COG5: variants seen among roughly 807,000 people sequenced by gnomAD.
COG5 encodes component of oligomeric golgi complex 5.
A neutral mutation model predicts 110.4 loss-of-function variants in COG5; 86 were observed. The observed-to-expected ratio is 0.78, with a 90% CI of 0.65 to 0.93. COG5 has a LOEUF of 0.93. COG5 is among the 40% of genes least tolerant of loss of function. The pLI is 0.00. For synonymous variants in COG5, 360 were observed against 334.6 expected, an observed-to-expected ratio of 1.08 and a Z score of -0.83; for missense variants, 1,077 against 987.0, an observed-to-expected ratio of 1.09 and a Z score of -1.22.
chr7:107,309,340 C>T (rs984096210), intron 11 of COG5, among the ~76,000 whole-genome samples: 2 of 151,930 alleles, frequency 1.3e-5, no homozygotes, highest in South Asian at 2.1e-4. Flanking sequence ...TTTTACAGTT[C>T]GTTTTCTCTT....
chr7:107,432,500 A>G (rs1794092436), intron 6 of COG5, among the ~76,000 whole-genome samples: 1 of 152,214 alleles, frequency 6.6e-6, no homozygotes, highest in Non-Finnish European at 1.5e-5. Flanking sequence ...TAAGAACATG[A>G]CATAAGTACA....
chr7:107,359,740 C>A (rs922597822), intron 10 of COG5, among the ~76,000 whole-genome samples: 1 of 152,182 alleles, frequency 6.6e-6, no homozygotes, highest in Non-Finnish European at 1.5e-5. Context: ...TGGGTCTCCT[C>A]TGTACTGAGG....
In COG5 at chr7:107,530,613, A is replaced by AC. The variant is rs1426392917; in HGVS notation, c.418-3257_418-3256insG. ...CGAAACTCCATCTCAAAAAAAAAAAAAAAAAAAAAAAAACACAGTTTTCAG... is the reference window on the plus strand; with the variant it reads ...CGAAACTCCATCTCAAAAAAAAAAAACAAAAAAAAAAAAACACAGTTTTCAG... On this transcript the variant is annotated intron_variant, in intron 5 of 21. Transcript: ENST00000297135. Among the ~76,000 whole-genome samples, 719 of 151,058 alleles carry AC rather than the reference A, an allele frequency of 4.8e-3. 9 individuals carry two copies. The highest frequency in any genetic ancestry group is 0.017 in the African/African-American group (691 of 41,126).
Position 107,548,284 on chromosome 7 carries a change from A to T in COG5, c.341T>A (p.Val114Asp). The T allele has an allele frequency of 6.2e-7, 1 of 1,612,920 alleles. No individual in the cohort carries two copies. Among genetic ancestry groups the T allele is most frequent in the Non-Finnish European group, 8.5e-7 (1 of 1,178,918 alleles). The change falls in exon 4 of 22, where the codon GTT becomes GAT. Residue 114 changes from valine (V) to aspartate (D), a missense_variant. Val to Asp is a radical substitution (Grantham distance 152). Coordinates refer to ENST00000297135, the MANE Select transcript of COG5 (RefSeq NM_006348.5). ...QTRIGALQGA[V>D]DRIKAKIVEP... The stretch of plus-strand genomic sequence containing the variant: ...ATAAAATTAAGAACAGTACCTATCA[A>T]CAGCTCCCTGTAAAGCCCCAATTCT...
intron 6 of COG5, among the ~76,000 whole-genome samples, chr7:107,470,775 A>G (rs1796587087): frequency 6.6e-6 from 1 of 152,086 alleles, no homozygotes; most frequent in Admixed American, 6.6e-5. Flanking sequence ...AACTAGGTTT[A>G]CTATTTTGCT....
chr7:107,504,193 G>A (rs993603892), intron 6 of COG5, among the ~76,000 whole-genome samples: 3 of 151,942 alleles, frequency 2.0e-5, no homozygotes, highest in Non-Finnish European at 2.9e-5. Flanking sequence ...TTTGTTGAGG[G>A]TTTTTTATCA....
intron 6 of COG5, among the ~76,000 whole-genome samples, chr7:107,439,264 C>T (rs2129085074): frequency 6.7e-6 from 1 of 148,720 alleles, no homozygotes; most frequent in Admixed American, 6.8e-5. Context: ...GATGCAATTC[C>T]TACAGCTTAT....
At chr7:107,407,511 G>C (rs1791938702) in intron 7 of COG5, among the ~76,000 whole-genome samples, 1 of 151,932 alleles carries the variant, frequency 6.6e-6, no homozygotes, top group African/African-American at 2.4e-5. Context: ...ATAGTACTAG[G>C]TCTTAATGAA....
Position 107,460,194 on chromosome 7 carries a change from G to C in COG5, c.539-47562C>G, listed in dbSNP as rs1475876264. Among the ~76,000 whole-genome samples, 11 of 152,158 alleles carry C rather than the reference G, an allele frequency of 7.2e-5. 1 individual carries two copies. The highest frequency in any genetic ancestry group is 1.0e-4 in the Non-Finnish European group (7 of 68,028). On this transcript the variant is annotated intron_variant, in intron 6 of 21. Transcript: ENST00000297135. ...GAGGTTGGAGGATTGCTTGAGTCCA[G>C]GAGTTCAAGACCAGCCCAGGCAACA...
chr7:107,545,438 T>C (rs528928256), intron 5 of COG5, among the ~76,000 whole-genome samples: 1 of 151,990 alleles, frequency 6.6e-6, no homozygotes, highest in African/African-American at 2.4e-5. Context: ...GATTTCTCAG[T>C]AGAAATCTTA....
chr7:107,508,609 G>A (rs973444887), intron 6 of COG5, among the ~76,000 whole-genome samples: 20 of 152,210 alleles, frequency 1.3e-4, no homozygotes. Context: ...CCCCCGAGCA[G>A]CCTAACTGGG....
chr7:107,501,188 G>A (rs187206742), intron 6 of COG5, among the ~76,000 whole-genome samples: 52 of 152,010 alleles, frequency 3.4e-4, no homozygotes, highest in African/African-American at 1.3e-3. Context: ...TAGTTCTGAG[G>A]CACTTTGTTT....
intron 11 of COG5, among the ~76,000 whole-genome samples, chr7:107,304,779 C>T (rs1055006692): frequency 1.3e-5 from 2 of 152,202 alleles, no homozygotes; most frequent in Non-Finnish European, 2.9e-5. Flanking sequence ...AAAGGCAGTA[C>T]TCCTTAAAAC....
At chr7:107,262,484 C>T (rs920646452) in intron 14 of COG5, among the ~76,000 whole-genome samples, 20 of 152,104 alleles carry the variant, frequency 1.3e-4, no homozygotes, top group African/African-American at 4.8e-4. Flanking sequence ...ATTAAGAATA[C>T]ATATATTCAT....
chr7:107,434,746 G>A (rs545269052), intron 6 of COG5, among the ~76,000 whole-genome samples: 76 of 152,182 alleles, frequency 5.0e-4, no homozygotes, highest in African/African-American at 1.5e-3. Flanking sequence ...CAAGGTGGGC[G>A]GATCACTAGG....
At chr7:107,554,098 C>T (rs550568413) in intron 3 of COG5, among the ~76,000 whole-genome samples, 187 bp downstream of exon 3, 10 of 152,316 alleles carry the variant, frequency 6.6e-5, no homozygotes, top group African/African-American at 2.4e-4. Context: ...CTTACTGAAA[C>T]ATAGCCACAC....
chr7:107,479,811 T>G (rs1259377662), intron 6 of COG5, among the ~76,000 whole-genome samples: 2 of 152,166 alleles, frequency 1.3e-5, no homozygotes, highest in East Asian at 1.9e-4. Context: ...CGTTTTAAAT[T>G]ATCTATTTTA....
At chr7:107,301,320 C>A (rs1051741041) in intron 11 of COG5, among the ~76,000 whole-genome samples, 20 of 152,112 alleles carry the variant, frequency 1.3e-4, no homozygotes, top group Admixed American at 1.3e-4. Flanking sequence ...AATGAAAATA[C>A]ACGCCCCAGA....
intron 6 of COG5, among the ~76,000 whole-genome samples, chr7:107,476,874 A>T (rs1263758633): frequency 6.6e-6 from 1 of 151,722 alleles, no homozygotes; most frequent in African/African-American, 2.4e-5. Context: ...TAGTTTACTG[A>T]ATACCCTAAT....
Sources: allele counts gnomAD v4.1 joint callset (sites outside exome capture counted in the v4.1 genomes callset), GRCh38; gene constraint gnomAD v4.1.1; transcripts MANE v1.5; gene names NCBI Gene and HGNC (gene_info 2026-07-23, HGNC 2026-07-21).